The following AGO1 variants were observed in gnomAD, a reference collection of about 807,000 sequenced individuals.
AGO1 encodes protein argonaute-1.
AGO1 carries 11 observed loss-of-function variants against 109.2 expected under a neutral mutation model. The observed-to-expected ratio is 0.10, with a 90% confidence interval of 0.06 to 0.17. The LOEUF is 0.17. Among genes scored for constraint, AGO1 ranks in the 10% least tolerant of loss-of-function variants. The pLI, the probability that AGO1 is intolerant of heterozygous loss-of-function variation, is 1.00. For synonymous variants in AGO1, 422 were observed against 418.6 expected, an observed-to-expected ratio of 1.01 and a Z score of -0.10; for missense variants, 574 against 1,140.3, an observed-to-expected ratio of 0.50 and a Z score of 7.15.
upstream of AGO1, among the ~76,000 whole-genome samples, chr1:35,878,894 TG>T (rs1292323523): frequency 2.0e-5 from 3 of 152,128 alleles, no homozygotes; most frequent in South Asian, 2.1e-4. Context: ...TTTCCTCAGT[TG>T]TTTTTTTTTT....
At position 35,918,691 on chromosome 1, in the gene AGO1, G is replaced by A. The variant is rs898016061; in HGVS notation, c.2265+268G>A. Among the ~76,000 whole-genome samples, 281 of 152,258 alleles carry A rather than the reference G, an allele frequency of 1.8e-3. 1 individual carries two copies. Among genetic ancestry groups the A allele is most frequent in the Non-Finnish European group, 2.1e-3 (143 of 68,036 alleles). On this transcript the variant is annotated intron_variant, in intron 17 of 18. Transcript: ENST00000373204. ...CCGCCTCAGCCTCCCAAGTAGCTGG[G>A]ATTACAAGCATGCGCCACCATGCCC... is the stretch of plus-strand genomic sequence containing the variant.
At chr1:35,904,767 G>T (rs2148717592) in intron 11 of AGO1, among the ~76,000 whole-genome samples, 1 of 152,294 alleles carries the variant, frequency 6.6e-6, no homozygotes, top group East Asian at 1.9e-4. Context: ...GGCTGAGATT[G>T]TCCAGGGAGA....
chr1:35,872,898 A>AGTTTTTTTGTTT (rs1350682886), intron 1 of AGO1, among the ~76,000 whole-genome samples: 1 of 151,054 alleles, frequency 6.6e-6, no homozygotes, highest in East Asian at 1.9e-4. Flanking sequence ...TGTTCTTTTC[A>AGTTTTTTTGTTT]GTTTTTTTGT....
rs779015327 is a variant in AGO1 at position 35,893,329 on chromosome 1, CA to C, written c.512+52del. On this transcript the variant is annotated intron_variant, in intron 4 of 18. Transcript: ENST00000373204. This position sits in a 1 kb window ranked among gnomAD's most constrained non-coding sequence, Gnocchi z 5.6. ...CTACTAGTGTTGGCAGAACTGCTGT[CA>C]GGGGAGGAGGGGGAGCACATATTAA... The C allele has an allele frequency of 5.1e-5, 80 of 1,569,930 alleles. 1 individual carries two copies. In the South Asian group the frequency reaches 8.4e-4, roughly 16 times the overall value.
chr1:35,898,380 C>T (rs898237300), intron 8 of AGO1, among the ~76,000 whole-genome samples: 10 of 151,980 alleles, frequency 6.6e-5, no homozygotes, highest in Admixed American at 1.3e-4. Context: ...CCTCAGCCTC[C>T]GGAGTAGCTG....
Position 35,893,215 on chromosome 1 carries a change from T to A in AGO1, c.449T>A (p.Ile150Asn). 1 of 1,614,116 alleles carries A rather than the reference T, an allele frequency of 6.2e-7. No individual in the cohort carries two copies. Among genetic ancestry groups the A allele is most frequent in the South Asian group, 1.1e-5 (1 of 91,082 alleles). The change falls in exon 4 of 19, where the codon ATC (isoleucine) becomes AAC (asparagine). Residue 150 changes from isoleucine (I) to asparagine (N), a missense_variant. Ile to Asn is a moderately radical substitution (Grantham distance 149, BLOSUM62 -3). Coordinates refer to ENST00000373204, the MANE Select transcript of AGO1 (RefSeq NM_012199.5). This position sits in a 1 kb window ranked among gnomAD's most constrained non-coding sequence, Gnocchi z 5.6. ...MLHEALVSGQ[I>N]PVPLESVQAL... ...CATGAGGCCCTGGTCAGCGGCCAGA[T>A]CCCTGTTCCCTTGGAGTCTGTGCAA... is the stretch of plus-strand genomic sequence containing the variant.
chr1:35,874,346 TTTG>T (rs924422634), intron 1 of AGO1, among the ~76,000 whole-genome samples: 10 of 152,170 alleles, frequency 6.6e-5, no homozygotes, highest in African/African-American at 9.7e-5. Flanking sequence ...TTAAAAGTTT[TTTG>T]TTGTTGTTGT....
At position 35,901,160 on chromosome 1, in the gene AGO1, T is replaced by C. The variant is rs539459213; in HGVS notation, c.1021-314T>C. Among the ~76,000 whole-genome samples, 21 of 152,138 alleles carry C rather than the reference T, an allele frequency of 1.4e-4. No homozygotes were observed. The highest frequency in any genetic ancestry group is 4.6e-4 in the African/African-American group (19 of 41,524). On this transcript the variant is annotated intron_variant, in intron 8 of 18. Coordinates refer to ENST00000373204, the MANE Select transcript of AGO1 (RefSeq NM_012199.5). This position sits in a 1 kb window ranked among gnomAD's most constrained non-coding sequence, Gnocchi z 4.8. ...CATGCCTGGCTAATTTTTGTATTTT[T>C]AGTAGAGACTGGGTTGGCCAGGCTG...
chr1:35,892,800 T>C, intron 3 of AGO1, 123 bp downstream of exon 3: 1 of 1,390,136 alleles, frequency 7.2e-7, no homozygotes, highest in Non-Finnish European at 1.0e-6. Context: ...TGTTTTAGGG[T>C]GAGGGGTGGG....
At chr1:35,913,417 T>C (rs563345584) in intron 12 of AGO1, among the ~76,000 whole-genome samples, 1 of 152,202 alleles carries the variant, frequency 6.6e-6, no homozygotes, top group Non-Finnish European at 1.5e-5. Flanking sequence ...TGCTCTTCTT[T>C]TTAGCTGCTA....
intron 8 of AGO1, among the ~76,000 whole-genome samples, chr1:35,896,414 C>T (rs760812781): frequency 1.3e-5 from 2 of 152,010 alleles, no homozygotes; most frequent in Non-Finnish European, 2.9e-5. Context: ...CGCTGGAGTG[C>T]AGTGGCACCA....
intron 1 of AGO1, among the ~76,000 whole-genome samples, chr1:35,874,870 C>T (rs536507776): frequency 4.0e-5 from 6 of 151,576 alleles, no homozygotes; most frequent in East Asian, 1.9e-4. Context: ...GAAGATCAAA[C>T]GAGCCATAAC....
chr1:35,898,478 G>T (rs1384355127), intron 8 of AGO1, among the ~76,000 whole-genome samples: 1 of 151,938 alleles, frequency 6.6e-6, no homozygotes, highest in South Asian at 2.1e-4. Flanking sequence ...GAATGGTCTC[G>T]ATCTCCTGAC....
intron 8 of AGO1, among the ~76,000 whole-genome samples, chr1:35,899,276 TATTC>T (rs1401026454): frequency 1.3e-5 from 2 of 152,262 alleles, no homozygotes; most frequent in East Asian, 3.8e-4. Context: ...ATGTTTTGTT[TATTC>T]ATTCATCTAT....
At chr1:35,887,496 C>T (rs540953416) in intron 1 of AGO1, among the ~76,000 whole-genome samples, 21 of 152,284 alleles carry the variant, frequency 1.4e-4, no homozygotes, top group African/African-American at 5.1e-4. Flanking sequence ...AGGGCCTCCT[C>T]TGTCTTGAAA....
chr1:35,907,189 G>T, intron 12 of AGO1, 70 bp downstream of exon 12: 2 of 1,410,374 alleles, frequency 1.4e-6, no homozygotes, highest in Non-Finnish European at 1.9e-6. Context: ...GGGTCTCCTG[G>T]GAAGGACTCA....
At chr1:35,877,600 T>G (rs1428351959) in intron 1 of AGO1, among the ~76,000 whole-genome samples, 1 of 152,224 alleles carries the variant, frequency 6.6e-6, no homozygotes, top group Non-Finnish European at 1.5e-5. Flanking sequence ...ACTAACCACA[T>G]GTATTAAGCA....
chr1:35,895,276 T>A lies in AGO1; in HGVS notation c.1020+7T>A. The A allele has an allele frequency of 3.1e-6, 5 of 1,611,498 alleles. No homozygotes were observed. Among genetic ancestry groups the A allele is most frequent in the Non-Finnish European group, 4.2e-6 (5 of 1,178,474 alleles). On this transcript the variant is annotated splice_region_variant and intron_variant, in intron 8 of 18. Transcript: ENST00000373204. ...TACCTACCTTCCCCTAGAGGTGAGA[T>A]TGCCAAGTAATGGCTGGGGAATAGG...
At chr1:35,878,250 A>AT (rs966984629), upstream of AGO1, among the ~76,000 whole-genome samples, 12 of 150,500 alleles carry the variant, frequency 8.0e-5, no homozygotes, top group South Asian at 6.3e-4. Context: ...TGCCTGGCTA[A>AT]TTTTTTTTGT....
Sources: allele counts gnomAD v4.1 joint callset (sites outside exome capture counted in the v4.1 genomes callset), GRCh38; gene constraint gnomAD v4.1.1; non-coding constraint Gnocchi (gnomAD v3.1); transcripts MANE v1.5; gene names NCBI Gene and HGNC (gene_info 2026-07-23, HGNC 2026-07-21).